Variants in SGCZ observed in about 807,000 individuals in gnomAD.
SGCZ encodes zeta-sarcoglycan.
SGCZ carries 40 observed loss-of-function variants against 41.3 expected under a neutral mutation model. That is an observed-to-expected ratio of 0.97 (90% confidence interval 0.75 to 1.26). The LOEUF is 1.26. Among genes scored for constraint, SGCZ ranks in the 50% most tolerant of loss-of-function variants. The pLI is 0.00. For missense variants in SGCZ, 552 were observed against 369.8 expected, an observed-to-expected ratio of 1.49 and a Z score of -4.04; for synonymous variants, 206 against 137.5, an observed-to-expected ratio of 1.50 and a Z score of -3.49.
intron 2 of SGCZ, among the ~76,000 whole-genome samples, chr8:14,325,968 C>T (rs962795000): frequency 1.3e-5 from 2 of 148,820 alleles, no homozygotes; most frequent in Non-Finnish European, 3.0e-5. Context: ...AAAAATTAGC[C>T]GGGCTTGGTG....
chr8:14,718,185 C>A (rs1809755890), intron 1 of SGCZ, among the ~76,000 whole-genome samples: 1 of 151,572 alleles, frequency 6.6e-6, no homozygotes, highest in Admixed American at 6.6e-5. Flanking sequence ...AACACACATA[C>A]AAACAAAAAC....
At chr8:14,830,432 G>A (rs1308241220) in intron 1 of SGCZ, among the ~76,000 whole-genome samples, 4 of 152,194 alleles carry the variant, frequency 2.6e-5, no homozygotes, top group African/African-American at 9.6e-5. Context: ...AGTTTAAAGA[G>A]TCTGAATCAT....
chr8:14,281,227 A>G (rs1800422263), intron 3 of SGCZ, among the ~76,000 whole-genome samples: 1 of 152,038 alleles, frequency 6.6e-6, no homozygotes, highest in Non-Finnish European at 1.5e-5. Flanking sequence ...GGCACAAAAT[A>G]TATACCTCAT....
intron 2 of SGCZ, among the ~76,000 whole-genome samples, chr8:14,344,460 G>A (rs532959991): frequency 2.6e-5 from 4 of 151,862 alleles, no homozygotes; most frequent in Non-Finnish European, 5.9e-5. Flanking sequence ...CAATAAAACT[G>A]ACAGCTAACT....
intron 1 of SGCZ, among the ~76,000 whole-genome samples, chr8:14,873,895 G>C (rs1367158575): frequency 6.6e-6 from 1 of 152,178 alleles, no homozygotes; most frequent in South Asian, 2.1e-4. Context: ...TTTCTCTTAG[G>C]CTTCTTCTTG....
intron 1 of SGCZ, among the ~76,000 whole-genome samples, chr8:15,086,077 T>C (rs190619628): frequency 2.8e-4 from 42 of 152,330 alleles, no homozygotes; most frequent in African/African-American, 9.9e-4. Context: ...TCCATGGATA[T>C]TGCATAATAA....
intron 1 of SGCZ, among the ~76,000 whole-genome samples, chr8:15,198,179 G>C (rs1800790331): frequency 6.6e-6 from 1 of 151,532 alleles, no homozygotes. Context: ...ACATTGTTGA[G>C]TAGGCTGATT....
intron 1 of SGCZ, among the ~76,000 whole-genome samples, chr8:14,826,878 G>C (rs959666822): frequency 6.6e-6 from 1 of 152,068 alleles, no homozygotes; most frequent in Non-Finnish European, 1.5e-5. Context: ...CTCCCATTCT[G>C]TAGGCTGCCT....
chr8:14,506,872 T>C (rs1047319172), intron 2 of SGCZ, among the ~76,000 whole-genome samples: 7 of 152,178 alleles, frequency 4.6e-5, no homozygotes, highest in Non-Finnish European at 5.9e-5. Context: ...GCCCTCAGTG[T>C]CCTTTGCAGG....
At chr8:15,175,582 G>A (rs950057057) in intron 1 of SGCZ, among the ~76,000 whole-genome samples, 1 of 152,020 alleles carries the variant, frequency 6.6e-6, no homozygotes, top group African/African-American at 2.4e-5. Flanking sequence ...AGCAACTAAT[G>A]AATACAAGGC....
At chr8:14,271,918 T>G (rs894777793) in intron 3 of SGCZ, among the ~76,000 whole-genome samples, 2 of 152,208 alleles carry the variant, frequency 1.3e-5, no homozygotes, top group African/African-American at 4.8e-5. Flanking sequence ...CATGTACATT[T>G]TTCGTAAATA....
chr8:14,610,048 T>C (rs1272133457), intron 1 of SGCZ, among the ~76,000 whole-genome samples: 1 of 152,164 alleles, frequency 6.6e-6, no homozygotes, highest in Non-Finnish European at 1.5e-5. Context: ...CAATTGATAT[T>C]AATTGGGGGT....
chr8:14,226,914 C>T (rs553414988), intron 4 of SGCZ, among the ~76,000 whole-genome samples: 2 of 152,180 alleles, frequency 1.3e-5, no homozygotes, highest in African/African-American at 2.4e-5. Context: ...CTTATGATTT[C>T]TCAAAGCCTG....
chr8:15,031,662 C>G (rs556814308), intron 1 of SGCZ, among the ~76,000 whole-genome samples: 2 of 152,250 alleles, frequency 1.3e-5, no homozygotes, highest in East Asian at 3.9e-4. Flanking sequence ...CTCTTGCCAG[C>G]TGTACAACAG....
intron 3 of SGCZ, among the ~76,000 whole-genome samples, chr8:14,260,845 G>A (rs182437207): frequency 6.6e-6 from 1 of 151,956 alleles, no homozygotes; most frequent in Non-Finnish European, 1.5e-5. Flanking sequence ...ACTATCTCAA[G>A]AACAAAAAAC....
chr8:15,087,155 T>C (rs1200525666), intron 1 of SGCZ, among the ~76,000 whole-genome samples: 2 of 152,066 alleles, frequency 1.3e-5, no homozygotes, highest in Non-Finnish European at 2.9e-5. Context: ...CTGTATAGGA[T>C]GACTATAGAG....
At chr8:14,249,244 T>C (rs888467159) in intron 3 of SGCZ, among the ~76,000 whole-genome samples, 13 of 152,190 alleles carry the variant, frequency 8.5e-5, no homozygotes, top group African/African-American at 2.9e-4. Flanking sequence ...AGTCTTCTCT[T>C]GCTTTTGAAT....
At position 14,219,426 on chromosome 8, in the gene SGCZ, G is replaced by A. The variant is rs186886194; in HGVS notation, c.424+18166C>T. On this transcript the variant is annotated intron_variant, in intron 4 of 7. Coordinates refer to ENST00000382080, the MANE Select transcript of SGCZ (RefSeq NM_139167.4). ...CCAAATTCTAATCCAGACAATGCCC[G>A]ACTGCACGTTGGACAACCAGCACTT... 3.9e-3 allele frequency among the ~76,000 whole-genome samples: 587 copies of A among 152,256 alleles called. 31 individuals carry two copies. The highest frequency in any genetic ancestry group is 0.037 in the Admixed American group (563 of 15,292).
intron 7 of SGCZ, among the ~76,000 whole-genome samples, chr8:14,100,569 A>C (rs1801986813): frequency 7.7e-6 from 1 of 129,230 alleles, no homozygotes; most frequent in African/African-American, 2.8e-5. Flanking sequence ...ATTATATATT[A>C]ATATATTTTC....
Sources: allele counts gnomAD v4.1 joint callset (sites outside exome capture counted in the v4.1 genomes callset), GRCh38; gene constraint gnomAD v4.1.1; transcripts MANE v1.5; gene names NCBI Gene and HGNC (gene_info 2026-07-23, HGNC 2026-07-21).